The following ZNF773 variants were observed in gnomAD, a reference collection of about 807,000 sequenced individuals.
ZNF773 encodes the protein zinc finger protein 419B.
In ZNF773, 11 loss-of-function variants were observed where a neutral mutation model predicts 12.8. The ratio of observed to expected loss-of-function variants is 0.86; its 90% CI spans 0.54 to 1.42. The LOEUF (loss-of-function observed/expected upper bound fraction) is 1.42. Ranked by LOEUF, ZNF773 falls within the 40% of genes most tolerant of loss-of-function variation. ZNF773 has a pLI of 0.00. For synonymous variants in ZNF773, 175 were observed against 178.4 expected (o/e 0.98, Z 0.15); for missense variants, 518 against 527.2 (o/e 0.98, Z 0.17).
chr19:57,511,280 T>C (rs1270423406), downstream of ZNF773, among the ~76,000 whole-genome samples: 1 of 152,094 alleles, frequency 6.6e-6, no homozygotes, highest in Non-Finnish European at 1.5e-5. Context: ...CTCGATCTCC[T>C]GACCTCGTGA....
chr19:57,517,517 G>T (rs1217972514), downstream of ZNF773: 1 of 152,184 alleles, frequency 6.6e-6, no homozygotes, highest in Admixed American at 6.5e-5. Context: ...AGCTCAATGT[G>T]TGAAAAATTG....
chr19:57,511,331 G>A (rs1396199207), downstream of ZNF773, among the ~76,000 whole-genome samples: 7 of 152,120 alleles, frequency 4.6e-5, no homozygotes, highest in Non-Finnish European at 1.0e-4. Flanking sequence ...GATTACAGGC[G>A]TGAGCCACCA....
chr19:57,517,772 A>G (rs1358378455), downstream of ZNF773: 3 of 152,226 alleles, frequency 2.0e-5, no homozygotes, highest in African/African-American at 7.2e-5. Flanking sequence ...TTTACATTCA[A>G]TGTTACTTTT....
At chr19:57,516,989 C>T (rs2123293669), downstream of ZNF773, 1 of 152,336 alleles carries the variant, frequency 6.6e-6, no homozygotes, top group South Asian at 2.1e-4. Flanking sequence ...ATGGCATTAT[C>T]AAGGAAAGAG....
At position 57,507,209 on chromosome 19, in the gene ZNF773, T is replaced by C. The variant is rs1276149349; in HGVS notation, c.1114T>C (p.Ser372Pro). The C allele has an allele frequency of 6.2e-7, 1 of 1,614,086 alleles. No homozygotes were observed. The highest frequency in any genetic ancestry group is 8.5e-7 in the Non-Finnish European group (1 of 1,179,992). The change falls in exon 4 of 4, where the codon TCA (serine) becomes CCA (proline). Residue 372 changes from serine (S) to proline (P), a missense_variant. Transcript: ENST00000282292. ...ATGTGGGAAATTTTTTAGCCAAAGC[T>C]CAAGCCTCATGCAACATCGAAAAGT... is the stretch of plus-strand genomic sequence containing the variant. Reference protein sequence around the residue: ...SECGKFFSQSSSLMQHRKVHT... With the variant: ...SECGKFFSQSPSLMQHRKVHT...
rs376286259 is a variant in ZNF773 at position 57,507,280 on chromosome 19, C to T, written c.1185C>T (p.Phe395=). Reference sequence around the variant, plus strand: ...TTAAGTGCAATGAATGTGGGAGATTCTTTAGTGAGAATTCCAGCCTTGTTA... The same window carrying T: ...TTAAGTGCAATGAATGTGGGAGATTTTTTAGTGAGAATTCCAGCCTTGTTA... ...KPFKCNECGR[F]FSENSSLVKH... The change falls in exon 4 of 4, where the codon TTC becomes TTT. Residue 395 remains phenylalanine (F), a synonymous_variant. Transcript: ENST00000282292. 2.5e-6 allele frequency: 4 copies of T among 1,611,098 alleles called. No individual in the cohort carries two copies. Among genetic ancestry groups the T allele is most frequent in the Non-Finnish European group, 3.4e-6 (4 of 1,178,070 alleles).
chr19:57,513,065 G>T (rs2089808771), downstream of ZNF773: 1 of 1,543,426 alleles, frequency 6.5e-7, no homozygotes, highest in East Asian at 2.6e-5. Context: ...AGGGACGTGA[G>T]TGAAGAAGGT....
In ZNF773 at chr19:57,499,968, C is replaced by T. The variant is rs560449833; in HGVS notation, c.-113C>T. On this transcript the variant is annotated 5_prime_UTR_variant, in exon 1 of 4. Coordinates refer to ENST00000282292, the MANE Select transcript of ZNF773 (RefSeq NM_198542.3). Reference sequence around the variant, plus strand: ...CTGCGGCGACCAGCTCCGGAAAGCGCGGTGGGGACGCGCTGTGTTCTCGCA... The same window carrying T: ...CTGCGGCGACCAGCTCCGGAAAGCGTGGTGGGGACGCGCTGTGTTCTCGCA... The T allele has an allele frequency of 1.9e-5, 27 of 1,386,470 alleles. No homozygotes were observed. Among genetic ancestry groups the T allele is most frequent in the East Asian group, 1.3e-4 (5 of 37,426 alleles). 85.9% of individuals were successfully genotyped at this position (1,386,470 alleles called of 1,614,324 possible).
intron 1 of ZNF773, among the ~76,000 whole-genome samples, chr19:57,501,700 C>T (rs907195970): frequency 2.0e-5 from 3 of 152,140 alleles, no homozygotes; most frequent in African/African-American, 7.2e-5. Context: ...TTGGTAACAT[C>T]ACTGTCTGGT....
Position 57,506,621 on chromosome 19 carries a change from A to G in ZNF773, c.526A>G (p.Arg176Gly), listed in dbSNP as rs745724323. Residue 176 changes from arginine to glycine, a missense_variant, in exon 4 of 4, where the codon AGG (arginine) becomes GGG (glycine). Coordinates refer to ENST00000282292, the MANE Select transcript of ZNF773 (RefSeq NM_198542.3). ...QVTHTGEKSH[R>G]SSKSREAFHA... ...GACTCACACGGGAGAGAAGTCACATAGGAGCTCCAAAAGTAGGGAGGCCTT... is the reference window on the plus strand; with the variant it reads ...GACTCACACGGGAGAGAAGTCACATGGGAGCTCCAAAAGTAGGGAGGCCTT... 6.2e-7 allele frequency: 1 copy of G among 1,614,206 alleles called. No individual in the cohort carries two copies. The highest frequency in any genetic ancestry group is 1.7e-5 in the Admixed American group (1 of 60,024).
At chr19:57,508,524 G>A (rs67054060), downstream of ZNF773, 132,491 of 698,258 alleles carry the variant, frequency 0.19, 13,084 homozygotes, top group African/African-American at 0.25. Context: ...CACCAGTTTG[G>A]CTGCGTAACA....
chr19:57,500,084 G>T lies in ZNF773; in HGVS notation c.4G>T (p.Ala2Ser). 1 of 1,603,822 alleles carries T rather than the reference G, an allele frequency of 6.2e-7. No homozygotes were observed. The highest frequency in any genetic ancestry group is 8.5e-7 in the Non-Finnish European group (1 of 1,176,718). Residue 2 changes from alanine to serine, a missense_variant, in exon 1 of 4, where the codon GCG becomes TCG. Coordinates refer to ENST00000282292, the MANE Select transcript of ZNF773 (RefSeq NM_198542.3). M[A>S]AATLRDPAQQ... ...TGTCTCACCGCCACAGGCTCCGATG[G>T]CGGCGGCCACGCTGAGGGACCCCGC...
rs757552546 is a variant in ZNF773, at chr19:57,507,418, A to T, written c.1323A>T (p.Ile441=). 1.2e-5 allele frequency: 19 copies of T among 1,587,000 alleles called. No individual in the cohort carries two copies. Among genetic ancestry groups the T allele is most frequent in the Non-Finnish European group, 1.5e-5 (17 of 1,168,800 alleles). The change falls in exon 4 of 4, where the codon ATA becomes ATT. Residue 441 remains isoleucine (I), a synonymous_variant. Coordinates refer to ENST00000282292, the MANE Select transcript of ZNF773 (RefSeq NM_198542.3). Reference sequence around the variant, plus strand: ...ATCGAAGGATTCACACTGGAGAAATACAATGATTGTGAGAAATCCTTTAGC... The same window carrying T: ...ATCGAAGGATTCACACTGGAGAAATTCAATGATTGTGAGAAATCCTTTAGC... ...VKHRRIHTGE[I]Q
chr19:57,502,290 A>G (rs1335326764), intron 1 of ZNF773, among the ~76,000 whole-genome samples: 1 of 152,204 alleles, frequency 6.6e-6, no homozygotes, highest in African/African-American at 2.4e-5. Context: ...AACCAATGAC[A>G]GGAGATTTAG....
intron 1 of ZNF773, among the ~76,000 whole-genome samples, chr19:57,501,258 C>A (rs2089666744): frequency 6.6e-6 from 1 of 150,758 alleles, no homozygotes; most frequent in African/African-American, 2.4e-5. Context: ...AAAAGGAAAC[C>A]CACATTGTCT....
At chr19:57,515,638 T>C (rs1417297162), downstream of ZNF773, 1 of 152,184 alleles carries the variant, frequency 6.6e-6, no homozygotes, top group African/African-American at 2.4e-5. Context: ...CTTTTGCCCA[T>C]ATGGGGGTCC....
chr19:57,507,616 C>G lies in ZNF773; in HGVS notation c.*192C>G. 1 of 1,383,564 alleles carries G rather than the reference C, an allele frequency of 7.2e-7. No homozygotes were observed. The highest frequency in any genetic ancestry group is 9.3e-7 in the Non-Finnish European group (1 of 1,076,556). 85.7% of individuals were successfully genotyped at this position (1,383,564 alleles called of 1,614,324 possible). ...CCTCAGCCAAAGGCCTAACCGTATT[C>G]AACACCAGAAAGTTTAGACTGGAGA... is the stretch of plus-strand genomic sequence containing the variant. On this transcript the variant is annotated 3_prime_UTR_variant, in exon 4 of 4. Transcript: ENST00000282292.
Position 57,500,165 on chromosome 19 carries a change from C to A in ZNF773, c.33+52C>A, listed in dbSNP as rs757305978. The A allele has an allele frequency of 1.8e-5, 28 of 1,558,116 alleles. No individual in the cohort carries two copies. The East Asian group carries it at 6.2e-4, about 35-fold the overall frequency. On this transcript the variant is annotated intron_variant, in intron 1 of 3. Transcript: ENST00000282292. ...CCCGAATCCTAAAGCCCTGTGAGGGCCGCCTGCTCAGGTCCCCGGGTGCAG... is the reference window on the plus strand; with the variant it reads ...CCCGAATCCTAAAGCCCTGTGAGGGACGCCTGCTCAGGTCCCCGGGTGCAG...
At chr19:57,514,649 C>T (rs1248908140), downstream of ZNF773, 1 of 152,122 alleles carries the variant, frequency 6.6e-6, no homozygotes, top group African/African-American at 2.4e-5. Context: ...GAAATCTTTG[C>T]AAATTTATCT....
Sources: allele counts gnomAD v4.1 joint callset (sites outside exome capture counted in the v4.1 genomes callset), GRCh38; gene constraint gnomAD v4.1.1; transcripts MANE v1.5; gene names NCBI Gene and HGNC (gene_info 2026-07-23, HGNC 2026-07-21).